The following GALNT13 variants were observed in gnomAD, a reference collection of about 807,000 sequenced individuals.
GALNT13 encodes the protein polypeptide N-acetylgalactosaminyltransferase 13, also known as UDP-GalNAc:polypeptide N-acetylgalactosaminyltransferase 13.
In GALNT13, 28 loss-of-function variants were observed where a neutral mutation model predicts 64.2. That is an observed-to-expected ratio of 0.44 (90% CI 0.32 to 0.60). GALNT13 has a LOEUF of 0.60. GALNT13 is among the 20% of genes least tolerant of loss of function. The pLI is 0.05. For synonymous variants in GALNT13, 214 were observed against 224.6 expected (o/e 0.95, Z 0.42); for missense variants, 577 against 669.8 (o/e 0.86, Z 1.53).
chr2:153,849,772 A>C, the GALNT13 span, among the ~76,000 whole-genome samples: 1 of 152,112 alleles, frequency 6.6e-6, no homozygotes, highest in Non-Finnish European at 1.5e-5. Flanking sequence ...CTGCAAAAAA[A>C]TCTTCAGAAA....
At chr2:153,119,429 A>G in the GALNT13 span, among the ~76,000 whole-genome samples, 1 of 152,184 alleles carries the variant, frequency 6.6e-6, no homozygotes, top group Non-Finnish European at 1.5e-5. Flanking sequence ...AAATCACTGG[A>G]GATTTATTTA....
the GALNT13 span, among the ~76,000 whole-genome samples, chr2:153,738,387 T>A: frequency 3.3e-5 from 5 of 152,014 alleles, no homozygotes; most frequent in Admixed American, 3.3e-4. Context: ...ATGATTACTT[T>A]TAAAGCCTTA....
intron 2 of GALNT13, among the ~76,000 whole-genome samples, chr2:153,911,568 G>T (rs1688943724): frequency 6.6e-6 from 1 of 152,076 alleles, no homozygotes; most frequent in Admixed American, 6.6e-5. Context: ...TCCATATTTA[G>T]TGCTTTTTTC....
chr2:153,522,897 C>T, the GALNT13 span, among the ~76,000 whole-genome samples: 1 of 151,908 alleles, frequency 6.6e-6, no homozygotes, highest in Non-Finnish European at 1.5e-5. Flanking sequence ...ATGGATTGTG[C>T]TTTTGGTGTT....
the GALNT13 span, among the ~76,000 whole-genome samples, chr2:153,738,107 C>G: frequency 6.6e-6 from 1 of 151,310 alleles, no homozygotes; most frequent in Non-Finnish European, 1.5e-5. Context: ...ATCTTTTTTT[C>G]TCTTACTTAG....
chr2:154,043,854 G>A (rs1699142009), intron 3 of GALNT13, among the ~76,000 whole-genome samples: 1 of 152,026 alleles, frequency 6.6e-6, no homozygotes, highest in Non-Finnish European at 1.5e-5. Context: ...TATAACCCCA[G>A]CACATTAAGA....
the GALNT13 span, among the ~76,000 whole-genome samples, chr2:153,261,279 C>T: frequency 1.1e-4 from 17 of 152,102 alleles, no homozygotes; most frequent in Non-Finnish European, 2.2e-4. Context: ...TTGGCAGTGT[C>T]TGAGCATTAA....
chr2:153,514,972 G>C, the GALNT13 span, among the ~76,000 whole-genome samples: 1 of 152,110 alleles, frequency 6.6e-6, no homozygotes, highest in African/African-American at 2.4e-5. Context: ...AGGAAATCCA[G>C]AAGATGTTTA....
At chr2:153,264,759 T>G in the GALNT13 span, among the ~76,000 whole-genome samples, 1 of 152,046 alleles carries the variant, frequency 6.6e-6, no homozygotes, top group Admixed American at 6.5e-5. Flanking sequence ...TGAGAACACA[T>G]GGACACAGGG....
At chr2:154,020,614 G>T (rs1306815155) in intron 3 of GALNT13, among the ~76,000 whole-genome samples, 1 of 151,948 alleles carries the variant, frequency 6.6e-6, no homozygotes, top group Non-Finnish European at 1.5e-5. Context: ...TTTGTCAGAT[G>T]AGTAGGTTGT....
rs762980653 is a variant in GALNT13, at chr2:153,914,483, C to CAAAA, written c.-105+13491_-105+13494dup. Among the ~76,000 whole-genome samples, 38 of 116,960 alleles carry CAAAA rather than the reference C, an allele frequency of 3.2e-4. 1 individual carries two copies. Among genetic ancestry groups the CAAAA allele is most frequent in the Middle Eastern group, 8.9e-3 (2 of 224 alleles). The allele number at this position is 116,960 out of a possible 152,430, so 76.7% of individuals were successfully genotyped here. A position where few individuals can be genotyped will look rare whatever the true frequency, so the allele number is the denominator to read the frequency against. ...TGGGCAAAAGTGCGAGTCTCCGTCT[C>CAAAA]AAAAAAAAAAAAAAAAAAGATGTTT... On this transcript the variant is annotated intron_variant, in intron 2 of 12. Coordinates refer to ENST00000392825, the MANE Select transcript of GALNT13 (RefSeq NM_052917.4).
At chr2:154,446,548 T>A in intron 12 of GALNT13, 1 of 1,519,618 alleles carries the variant, frequency 6.6e-7, no homozygotes, top group South Asian at 1.2e-5. Flanking sequence ...TCATTATTCG[T>A]TATTTTCTTT....
the GALNT13 span, among the ~76,000 whole-genome samples, chr2:153,555,319 C>G: frequency 3.0e-5 from 4 of 134,312 alleles, no homozygotes; most frequent in East Asian, 2.1e-4. Context: ...CTCAGCCTCC[C>G]GAGTAGCTGG....
chr2:153,069,546 G>C, the GALNT13 span, among the ~76,000 whole-genome samples: 1 of 152,050 alleles, frequency 6.6e-6, no homozygotes, highest in African/African-American at 2.4e-5. Context: ...ATTTGAATCA[G>C]GAAGAGCAGC....
Position 154,200,537 on chromosome 2 carries a change from CT to C in GALNT13, c.312-41492del, listed in dbSNP as rs1687117912. ...ACTTGGGAAGTTGAAGATCAAGGTG[CT>C]GTCAGGTTCAATGTCTTGTGAAGGT... is the stretch of plus-strand genomic sequence containing the variant. On this transcript the variant is annotated intron_variant, in intron 4 of 12. Transcript: ENST00000392825. Among the ~76,000 whole-genome samples the C allele has an allele frequency of 2.0e-5, 3 of 152,096 alleles. No homozygotes were observed. The South Asian group carries it at 6.2e-4, about 31-fold the overall frequency.
intron 8 of GALNT13, among the ~76,000 whole-genome samples, chr2:154,270,096 T>C (rs1425796606): frequency 6.6e-6 from 1 of 151,198 alleles, no homozygotes; most frequent in Non-Finnish European, 1.5e-5. Context: ...AACAGGTAAA[T>C]TAGACATTAA....
the GALNT13 span, among the ~76,000 whole-genome samples, chr2:153,515,641 G>T: frequency 2.0e-5 from 3 of 152,132 alleles, no homozygotes; most frequent in Non-Finnish European, 2.9e-5. Flanking sequence ...AAATTTAATA[G>T]CTAGACGATT....
the GALNT13 span, among the ~76,000 whole-genome samples, chr2:153,271,731 A>G: frequency 9.9e-5 from 15 of 152,214 alleles, no homozygotes; most frequent in Non-Finnish European, 1.9e-4. Flanking sequence ...CCATCAAGCT[A>G]CCATTGACTT....
the GALNT13 span, among the ~76,000 whole-genome samples, chr2:153,828,024 A>G: frequency 6.6e-6 from 1 of 152,228 alleles, no homozygotes; most frequent in Non-Finnish European, 1.5e-5. Context: ...TTTGACTCCA[A>G]GTCTCACATC....
Sources: allele counts gnomAD v4.1 joint callset (sites outside exome capture counted in the v4.1 genomes callset), GRCh38; gene constraint gnomAD v4.1.1; transcripts MANE v1.5; gene names NCBI Gene and HGNC (gene_info 2026-07-23, HGNC 2026-07-21).